The following NSMCE1 variants were observed in gnomAD, a reference collection of about 807,000 sequenced individuals.
NSMCE1 encodes NSE1 component of SMC5/6 complex.
A neutral mutation model predicts 29.6 loss-of-function variants in NSMCE1; 18 were observed. That is an observed-to-expected ratio of 0.61 (90% CI 0.42 to 0.90). NSMCE1 has a LOEUF of 0.90. NSMCE1 is among the 40% of genes least tolerant of loss of function. The probability of loss-of-function intolerance (pLI) is 0.00; values close to 1 mark genes in which losing one functional copy is unlikely to be tolerated. For synonymous variants in NSMCE1, 124 were observed against 133.4 expected, an observed-to-expected ratio of 0.93 and a Z score of 0.49; for missense variants, 314 against 343.6, an observed-to-expected ratio of 0.91 and a Z score of 0.68.
chr16:27,266,205 TCAA>T lies in NSMCE1; in HGVS notation c.-12+2498_-12+2500del, dbSNP rs548806949. ...CTGGGCAACATAGCAAGATCCACTCTCAACAACAACAACAACAACAAAATAATG... is the reference window on the plus strand; with the variant it reads ...CTGGGCAACATAGCAAGATCCACTCTCAACAACAACAACAACAAAATAATG... On this transcript the variant is annotated intron_variant, in intron 1 of 7. Coordinates refer to ENST00000361439, the MANE Select transcript of NSMCE1 (RefSeq NM_145080.4). 2.4e-4 allele frequency: 36 copies of T among 152,440 alleles called. No individual in the cohort carries two copies. In the East Asian group the frequency reaches 4.6e-3, roughly 20 times the overall value. 9.4% of individuals were successfully genotyped at this position (152,440 alleles called of 1,614,324 possible).
chr16:27,235,187 A>T lies in NSMCE1; in HGVS notation c.249T>A (p.Ile83=), dbSNP rs763208367. Residue 83 remains isoleucine (I), a synonymous_variant, in exon 3 of 8, where the codon ATT becomes ATA. Coordinates refer to ENST00000361439, the MANE Select transcript of NSMCE1 (RefSeq NM_145080.4). ...TCTGCCGGGCACTCACCAACGCATA[A>T]ATGGGTCTCCCATCATCTTCCGTGA... is the stretch of plus-strand genomic sequence containing the variant. ...RGVTEDDGRP[I]YALVNLATTS... 2 of 1,613,846 alleles carry T rather than the reference A, an allele frequency of 1.2e-6. No individual in the cohort carries two copies. The highest frequency in any genetic ancestry group is 8.5e-7 in the Non-Finnish European group (1 of 1,179,978).
At chr16:27,242,406 T>C (rs1413986633) in intron 2 of NSMCE1, among the ~76,000 whole-genome samples, 1 of 152,242 alleles carries the variant, frequency 6.6e-6, no homozygotes, top group Non-Finnish European at 1.5e-5. Flanking sequence ...AGAAGTTTAT[T>C]ACAATCAGAA....
intron 4 of NSMCE1, chr16:27,233,921 C>T (rs1238984465): frequency 2.4e-6 from 1 of 418,266 alleles, no homozygotes; most frequent in Admixed American, 4.3e-5. Context: ...CCTGTTACTA[C>T]CAGTGAAGCC....
chr16:27,227,031 C>T (rs137924829), intron 5 of NSMCE1, among the ~76,000 whole-genome samples, 195 bp from the exon 6 acceptor site: 2 of 152,334 alleles, frequency 1.3e-5, no homozygotes, highest in East Asian at 1.9e-4. Flanking sequence ...AGGCAAAGAC[C>T]CTAAAGACAT....
chr16:27,229,680 G>A (rs2083742546), intron 5 of NSMCE1, among the ~76,000 whole-genome samples: 2 of 152,192 alleles, frequency 1.3e-5, no homozygotes, highest in African/African-American at 2.4e-5. Context: ...GGGTTCAAGC[G>A]ATTCTTCTGC....
At chr16:27,229,157 C>T (rs932738562) in intron 5 of NSMCE1, among the ~76,000 whole-genome samples, 3 of 152,242 alleles carry the variant, frequency 2.0e-5, no homozygotes, top group African/African-American at 7.2e-5. Flanking sequence ...CTGGCCTTAG[C>T]TTCTTGAGTG....
rs375696361 is a variant in NSMCE1, at chr16:27,226,678, G to A, written c.600+42C>T. 50 of 1,314,094 alleles carry A rather than the reference G, an allele frequency of 3.8e-5. 1 individual carries two copies. Among genetic ancestry groups the A allele is most frequent in the Middle Eastern group, 1.9e-4 (1 of 5,388 alleles). The allele number at this position is 1,314,094 out of a possible 1,614,324, so 81.4% of individuals were successfully genotyped here. A position where few individuals can be genotyped will look rare whatever the true frequency, so the allele number is the denominator to read the frequency against. ...GTACCTGTACAGAGCCCCGGGAGCC[G>A]AGGGCCCAGTGATGAGCTCCCGTGC... On this transcript the variant is annotated intron_variant, in intron 6 of 7. Coordinates refer to ENST00000361439, the MANE Select transcript of NSMCE1 (RefSeq NM_145080.4).
At chr16:27,266,794 A>G (rs2084230958) in intron 1 of NSMCE1, among the ~76,000 whole-genome samples, 1 of 152,166 alleles carries the variant, frequency 6.6e-6, no homozygotes, top group Non-Finnish European at 1.5e-5. Flanking sequence ...CCGGATAAAC[A>G]GATTTTTTTT....
intron 2 of NSMCE1, among the ~76,000 whole-genome samples, chr16:27,255,372 A>G (rs1442415164): frequency 6.6e-6 from 1 of 152,144 alleles, no homozygotes. Context: ...AGAGGGCCAC[A>G]CTGTCCGCAG....
chr16:27,251,469 C>T (rs2084034960), intron 2 of NSMCE1, among the ~76,000 whole-genome samples: 1 of 152,104 alleles, frequency 6.6e-6, no homozygotes, highest in African/African-American at 2.4e-5. Context: ...ATAAACCCTA[C>T]TTGGTTATGT....
At chr16:27,265,142 G>A (rs4399540) in intron 1 of NSMCE1, among the ~76,000 whole-genome samples, 62,310 of 146,246 alleles carry the variant, frequency 0.43, 14,682 homozygotes, top group African/African-American at 0.63. Flanking sequence ...CTGCTGCTGG[G>A]AGAGTATAAA....
At chr16:27,245,029 A>AC (rs1302485123) in intron 2 of NSMCE1, among the ~76,000 whole-genome samples, 1 of 151,914 alleles carries the variant, frequency 6.6e-6, no homozygotes, top group African/African-American at 2.4e-5. Flanking sequence ...TCTGATAGTC[A>AC]CCCCCCACCA....
intron 2 of NSMCE1, among the ~76,000 whole-genome samples, chr16:27,239,977 T>C (rs1473549127): frequency 6.6e-6 from 1 of 152,202 alleles, no homozygotes; most frequent in Non-Finnish European, 1.5e-5. Flanking sequence ...TGCATTCACA[T>C]GGTTCATTTC....
chr16:27,237,981 G>A (rs1287388312), intron 2 of NSMCE1, among the ~76,000 whole-genome samples: 1 of 152,108 alleles, frequency 6.6e-6, no homozygotes, highest in Non-Finnish European at 1.5e-5. Context: ...CCTGCATCAG[G>A]GTCATGTCCA....
intron 2 of NSMCE1, among the ~76,000 whole-genome samples, chr16:27,254,419 T>G (rs2084063562): frequency 6.6e-6 from 1 of 152,152 alleles, no homozygotes; most frequent in Admixed American, 6.5e-5. Flanking sequence ...AAAGGTCAAA[T>G]AAAGGCAAAA....
rs1161457694 is a variant in NSMCE1 at position 27,254,968 on chromosome 16, C to G, written c.136+2467G>C. Among the ~76,000 whole-genome samples the G allele has an allele frequency of 2.0e-5, 3 of 147,206 alleles. No homozygotes were observed. The South Asian group carries it at 6.4e-4, about 32-fold the overall frequency. ...GATCTCAGCTCACTGCAGCATCTGC[C>G]TCCCAGGTTCAAGCAATTATCCTGC... On this transcript the variant is annotated intron_variant, in intron 2 of 7. Transcript: ENST00000361439.
chr16:27,267,625 GAA>G (rs11317900), intron 1 of NSMCE1, among the ~76,000 whole-genome samples: 206 of 136,806 alleles, frequency 1.5e-3, no homozygotes, highest in African/African-American at 5.2e-3. Context: ...GGATGCAGGG[GAA>G]AAAAAAAAAA....
At chr16:27,260,204 G>A (rs1179430339) in intron 1 of NSMCE1, among the ~76,000 whole-genome samples, 2 of 152,036 alleles carry the variant, frequency 1.3e-5, no homozygotes, top group Admixed American at 1.3e-4. Flanking sequence ...AAAAGAATGA[G>A]GTTTTTAAAA....
rs1166070119 is a variant in NSMCE1 at position 27,251,159 on chromosome 16, A to AATATATATATATATAT, written c.136+6260_136+6275dup. 2.0e-3 allele frequency among the ~76,000 whole-genome samples: 130 copies of AATATATATATATATAT among 65,670 alleles called. 1 individual carries two copies. The highest frequency in any genetic ancestry group is 7.3e-3 in the South Asian group (14 of 1,914). The allele number at this position is 65,670 out of a possible 152,430, so 43.1% of individuals were successfully genotyped here. A position where few individuals can be genotyped will look rare whatever the true frequency, so the allele number is the denominator to read the frequency against. ...CCCAGCCTTAATTTTAATTATTTAAAATATATATATATATATATATATATA... is the reference window on the plus strand; with the variant it reads ...CCCAGCCTTAATTTTAATTATTTAAAATATATATATATATATATATATATATATATATATATATATA... On this transcript the variant is annotated intron_variant, in intron 2 of 7. Coordinates refer to ENST00000361439, the MANE Select transcript of NSMCE1 (RefSeq NM_145080.4).
Sources: allele counts gnomAD v4.1 joint callset (sites outside exome capture counted in the v4.1 genomes callset), GRCh38; gene constraint gnomAD v4.1.1; transcripts MANE v1.5; gene names NCBI Gene and HGNC (gene_info 2026-07-23, HGNC 2026-07-21).